LSP1: variants seen among roughly 807,000 people sequenced by gnomAD.
The protein encoded by LSP1 is lymphocyte specific protein 1, also known as lymphocyte-specific protein 1.
LSP1 carries 32 observed loss-of-function variants against 49.3 expected under a neutral mutation model. The ratio of observed to expected loss-of-function variants is 0.65; its 90% CI spans 0.49 to 0.87. The LOEUF (loss-of-function observed/expected upper bound fraction) is 0.87, where lower values mean the gene tolerates loss of function less well. Among genes scored for constraint, LSP1 ranks in the 40% least tolerant of loss-of-function variants. LSP1 has a pLI of 0.00. For synonymous variants in LSP1, 179 were observed against 178.8 expected (o/e 1.00, Z -0.01); for missense variants, 428 against 442.6 (o/e 0.97, Z 0.30).
At position 1,869,716 on chromosome 11, in the gene LSP1, C is replaced by T. The variant is rs756799527; in HGVS notation, c.54-10371C>T. 46 of 470,482 alleles carry T rather than the reference C, an allele frequency of 9.8e-5. No individual in the cohort carries two copies. In the Middle Eastern group the frequency reaches 1.6e-3, roughly 17 times the overall value. 29.1% of individuals were successfully genotyped at this position (470,482 alleles called of 1,614,324 possible). ...AAGCGAGAAATGGATGCTGGAGGAA[C>T]GCAGTGAGGCCAGGCGAGGGCTGGC... On this transcript the variant is annotated intron_variant, in intron 1 of 10. Transcript: ENST00000311604.
intron 1 of LSP1, chr11:1,864,262 GC>G (rs1847717213): frequency 2.0e-6 from 2 of 988,576 alleles, no homozygotes; most frequent in African/African-American, 3.5e-5. Context: ...TTGACGAGGG[GC>G]TGGACAAGAA....
At chr11:1,890,681 G>C (rs534790136) in intron 10 of LSP1, 1 of 630,720 alleles carries the variant, frequency 1.6e-6, no homozygotes, top group South Asian at 1.8e-5. Flanking sequence ...GAGGACCTGG[G>C]GCCAGGGGTG....
chr11:1,888,307 C>G (rs1208946204), intron 10 of LSP1, among the ~76,000 whole-genome samples: 1 of 152,208 alleles, frequency 6.6e-6, no homozygotes, highest in Non-Finnish European at 1.5e-5. Flanking sequence ...CCACTCTCCC[C>G]ACCAGGGCCA....
chr11:1,866,865 G>GTC lies in LSP1; in HGVS notation c.54-13222_54-13221insTC, dbSNP rs1565074396. 2.6e-6 allele frequency: 4 copies of GTC among 1,541,800 alleles called. No individual in the cohort carries two copies. The East Asian group carries it at 9.8e-5, about 38-fold the overall frequency. ...CTCACCCCCTTGTCACCAGGGGCTCGGCCATGAGCATCCGTCCAGCGGGCC... is the reference window on the plus strand; with the variant it reads ...CTCACCCCCTTGTCACCAGGGGCTCGTCGCCATGAGCATCCGTCCAGCGGGCC... On this transcript the variant is annotated intron_variant, in intron 1 of 10. Coordinates refer to ENST00000311604, the MANE Select transcript of LSP1 (RefSeq NM_002339.3).
chr11:1,885,132 G>A (rs1589831122), intron 7 of LSP1, among the ~76,000 whole-genome samples: 1 of 151,122 alleles, frequency 6.6e-6, no homozygotes, highest in Non-Finnish European at 1.5e-5. Context: ...TGCATCCAAT[G>A]TCCCTCCATC....
chr11:1,889,996 G>A lies in LSP1; in HGVS notation c.*14-1777G>A, dbSNP rs960035613. The stretch of plus-strand genomic sequence containing the variant: ...GATCCCACTTCTGGGGCTGTCCTGG[G>A]AGGCTCAGGGGTCCCATTGTGTGGG... On this transcript the variant is annotated intron_variant, in intron 10 of 10. Transcript: ENST00000311604. 3 of 656,478 alleles carry A rather than the reference G, an allele frequency of 4.6e-6. No individual in the cohort carries two copies. The African/African-American group carries it at 5.4e-5, about 12-fold the overall frequency. 40.7% of individuals were successfully genotyped at this position (656,478 alleles called of 1,614,324 possible). A position where few individuals can be genotyped will look rare whatever the true frequency, so the allele number is the denominator to read the frequency against.
At chr11:1,866,321 A>T (rs1847787082) in intron 1 of LSP1, 1 of 664,742 alleles carries the variant, frequency 1.5e-6, no homozygotes, top group African/African-American at 1.8e-5. Flanking sequence ...GCCACTGCCC[A>T]CCCAGGCCAG....
chr11:1,880,210 G>A lies in LSP1; in HGVS notation c.177G>A (p.Pro59=), dbSNP rs1300462314. Residue 59 remains proline, a synonymous_variant, in exon 2 of 11, where the codon CCG becomes CCA. Coordinates refer to ENST00000311604, the MANE Select transcript of LSP1 (RefSeq NM_002339.3). ...EEGGGHVPER[P]KQEMLLSLKP... ...GAGGCGGCCATGTCCCCGAGCGGCC[G>A]AAGCAGGAGATGCTGTGAGCAGCCC... The A allele has an allele frequency of 2.5e-6, 4 of 1,597,034 alleles. No individual in the cohort carries two copies. The highest frequency in any genetic ancestry group is 1.3e-5 in the African/African-American group (1 of 74,190).
chr11:1,876,099 C>T (rs563779760), intron 1 of LSP1, among the ~76,000 whole-genome samples: 2 of 152,234 alleles, frequency 1.3e-5, no homozygotes, highest in Non-Finnish European at 2.9e-5. Flanking sequence ...CCGACACACA[C>T]TCCGAAGCTG....
chr11:1,870,772 A>G (rs1299961570), intron 1 of LSP1: 1 of 990,434 alleles, frequency 1.0e-6, no homozygotes, highest in Non-Finnish European at 1.2e-6. Flanking sequence ...ACATCTGGGC[A>G]TGGCTAGCTG....
At chr11:1,860,434 A>G (rs1035445603) in intron 1 of LSP1, among the ~76,000 whole-genome samples, 4 of 152,198 alleles carry the variant, frequency 2.6e-5, no homozygotes, top group Non-Finnish European at 5.9e-5. Flanking sequence ...TAAATAGAGT[A>G]TAACTCATGC....
At chr11:1,872,137 G>T (rs1848048999) in intron 1 of LSP1, among the ~76,000 whole-genome samples, 1 of 144,902 alleles carries the variant, frequency 6.9e-6, no homozygotes, top group Non-Finnish European at 1.5e-5. Context: ...GGGCAGGCCT[G>T]GGCTGCAGTC....
intron 1 of LSP1, chr11:1,870,779 G>C (rs959715331): frequency 1.3e-5 from 13 of 989,984 alleles, no homozygotes; most frequent in Non-Finnish European, 1.4e-5. Context: ...GGCATGGCTA[G>C]CTGGGAAGGA....
chr11:1,868,872 C>A lies in LSP1; in HGVS notation c.54-11215C>A, dbSNP rs1019970939. On this transcript the variant is annotated intron_variant, in intron 1 of 10. Transcript: ENST00000311604. ...GGCCAGCAAGCGGCAGCCAGGGTGCCCTGGGCACTCGACCCCCAGATGCCC... is the reference window on the plus strand; with the variant it reads ...GGCCAGCAAGCGGCAGCCAGGGTGCACTGGGCACTCGACCCCCAGATGCCC... 5 of 985,802 alleles carry A rather than the reference C, an allele frequency of 5.1e-6. No individual in the cohort carries two copies. In the South Asian group the frequency reaches 2.3e-4, roughly 46 times the overall value. The allele number at this position is 985,802 out of a possible 1,614,324, so 61.1% of individuals were successfully genotyped here. A position where few individuals can be genotyped will look rare whatever the true frequency, so the allele number is the denominator to read the frequency against.
At chr11:1,880,026 TG>T in intron 1 of LSP1, 60 bp from the exon 2 acceptor site, 2 of 1,589,788 alleles carry the variant, frequency 1.3e-6, no homozygotes, top group Admixed American at 1.7e-5. Flanking sequence ...ATGGGAGGAA[TG>T]GGTGCAAAAC....
intron 1 of LSP1, chr11:1,869,655 G>C (rs757952922): frequency 2.2e-6 from 1 of 456,948 alleles, no homozygotes; most frequent in South Asian, 1.6e-5. Context: ...CAGCTTCTTG[G>C]TGCTCCAAAG....
chr11:1,855,556 A>C (rs1483114617), intron 1 of LSP1, among the ~76,000 whole-genome samples: 1 of 152,072 alleles, frequency 6.6e-6, no homozygotes, highest in African/African-American at 2.4e-5. Flanking sequence ...CCCCTCCATG[A>C]TGTGGTCTCT....
intron 1 of LSP1, chr11:1,868,953 G>C (rs1267591820): frequency 1.2e-5 from 12 of 986,056 alleles, no homozygotes; most frequent in Non-Finnish European, 1.4e-5. Context: ...TGGCCCCGGG[G>C]ACTGAGCATC....
intron 1 of LSP1, among the ~76,000 whole-genome samples, chr11:1,862,373 T>A (rs1296615211): frequency 6.6e-6 from 1 of 152,242 alleles, no homozygotes; most frequent in Non-Finnish European, 1.5e-5. Flanking sequence ...TGACAGATGA[T>A]CATTCTCTAG....
Sources: gnomAD v4.1 joint callset for allele counts (sites outside exome capture counted in the v4.1 genomes callset) on GRCh38, gnomAD v4.1.1 for gene constraint, MANE v1.5 for transcripts, NCBI Gene and HGNC (gene_info 2026-07-23, HGNC 2026-07-21) for gene names.